Variants in CLEC9A observed in about 807,000 individuals in gnomAD.
CLEC9A encodes C-type lectin domain containing 9A, also known as C-type lectin domain family 9 member A.
CLEC9A carries 24 observed loss-of-function variants against 30.0 expected under a neutral mutation model. The ratio of observed to expected loss-of-function variants is 0.80; its 90% CI spans 0.58 to 1.13. The LOEUF is 1.13. Ranked by LOEUF, CLEC9A falls within the 50% of genes most tolerant of loss-of-function variation. The pLI is 0.00. For missense variants in CLEC9A, 251 were observed against 280.9 expected (o/e 0.89, Z 0.76); for synonymous variants, 111 against 96.8 (o/e 1.15, Z -0.86).
At chr12:10,033,277 GT>G (rs981074375) in intron 1 of CLEC9A, among the ~76,000 whole-genome samples, 13 of 146,074 alleles carry the variant, frequency 8.9e-5, no homozygotes, top group African/African-American at 1.0e-4. Context: ...TGGTCCTCTT[GT>G]TTTTTTTTTA....
intron 2 of CLEC9A, among the ~76,000 whole-genome samples, chr12:10,043,003 G>T (rs1309321334): frequency 6.6e-6 from 1 of 152,126 alleles, no homozygotes; most frequent in Non-Finnish European, 1.5e-5. Flanking sequence ...CAGCTATTTT[G>T]TGTACAATTT....
chr12:10,063,417 C>T (rs917288302), intron 7 of CLEC9A, among the ~76,000 whole-genome samples: 1 of 151,918 alleles, frequency 6.6e-6, no homozygotes, highest in African/African-American at 2.4e-5. Context: ...TTTCTGAAAT[C>T]GAGAAGAATA....
At chr12:10,048,326 C>T (rs1425963150) in intron 2 of CLEC9A, among the ~76,000 whole-genome samples, 2 of 146,254 alleles carry the variant, frequency 1.4e-5, no homozygotes, top group Non-Finnish European at 3.0e-5. Context: ...GAGCCGAGAT[C>T]GCGACACTAC....
chr12:10,053,825 A>G (rs1255260723), intron 4 of CLEC9A, among the ~76,000 whole-genome samples: 4 of 152,150 alleles, frequency 2.6e-5, no homozygotes, highest in Non-Finnish European at 4.4e-5. Context: ...ATTTAAAAGT[A>G]TATATTTAAA....
At chr12:10,056,955 A>G (rs1865949132) in intron 5 of CLEC9A, among the ~76,000 whole-genome samples, 4 of 152,162 alleles carry the variant, frequency 2.6e-5, no homozygotes. Context: ...GTACAGGCGT[A>G]AAGTATATTT....
At chr12:10,054,756 A>G (rs1400649647) in intron 5 of CLEC9A, among the ~76,000 whole-genome samples, 1 of 152,234 alleles carries the variant, frequency 6.6e-6, no homozygotes, top group African/African-American at 2.4e-5. Flanking sequence ...AAAATGTTTA[A>G]TGCAAACCTG....
At chr12:10,037,750 C>T (rs1865755793) in intron 1 of CLEC9A, among the ~76,000 whole-genome samples, 2 of 152,266 alleles carry the variant, frequency 1.3e-5, no homozygotes, top group South Asian at 4.1e-4. Flanking sequence ...ACTCAAGAAC[C>T]TGCTTTAACT....
chr12:10,050,368 C>T (rs1048442824), intron 2 of CLEC9A, among the ~76,000 whole-genome samples: 10 of 152,066 alleles, frequency 6.6e-5, no homozygotes, highest in Admixed American at 2.0e-4. Flanking sequence ...ACAGAGTTGC[C>T]GCAAATCTTC....
chr12:10,056,068 A>AC (rs1187087469), intron 5 of CLEC9A, among the ~76,000 whole-genome samples: 3 of 150,076 alleles, frequency 2.0e-5, no homozygotes, highest in African/African-American at 4.9e-5. Context: ...CAAAAAAAAA[A>AC]AAAAAAAAAA....
At chr12:10,051,034 G>C (rs1302278619) in intron 2 of CLEC9A, among the ~76,000 whole-genome samples, 1 of 151,888 alleles carries the variant, frequency 6.6e-6, no homozygotes, top group Non-Finnish European at 1.5e-5. Flanking sequence ...GTGAAACCCT[G>C]TCTCTACTAA....
At chr12:10,046,115 T>G (rs1047904525) in intron 2 of CLEC9A, among the ~76,000 whole-genome samples, 1 of 152,214 alleles carries the variant, frequency 6.6e-6, no homozygotes, top group Non-Finnish European at 1.5e-5. Flanking sequence ...ACAAGTCACA[T>G]AGATTTTTTA....
chr12:10,037,706 G>A (rs967257519), intron 1 of CLEC9A, among the ~76,000 whole-genome samples: 16 of 152,018 alleles, frequency 1.1e-4, no homozygotes, highest in South Asian at 2.1e-4. Context: ...TCTCAACATC[G>A]TTATAACAAA....
At chr12:10,049,032 T>G (rs927010200) in intron 2 of CLEC9A, among the ~76,000 whole-genome samples, 1 of 152,220 alleles carries the variant, frequency 6.6e-6, no homozygotes, top group African/African-American at 2.4e-5. Context: ...GATCCATTGG[T>G]TGCAGAAATG....
intron 2 of CLEC9A, among the ~76,000 whole-genome samples, chr12:10,051,220 T>A (rs1403346570): frequency 2.8e-4 from 42 of 149,644 alleles, no homozygotes; most frequent in Middle Eastern, 6.9e-3. Context: ...AAAAAAAAAA[T>A]GAATAAATAA....
At chr12:10,049,575 T>C (rs1419232117) in intron 2 of CLEC9A, among the ~76,000 whole-genome samples, 1 of 152,228 alleles carries the variant, frequency 6.6e-6, no homozygotes, top group Non-Finnish European at 1.5e-5. Flanking sequence ...CGCTTCATCT[T>C]TCGTTTTTTT....
At chr12:10,037,844 T>G (rs1865756677) in intron 1 of CLEC9A, among the ~76,000 whole-genome samples, 1 of 152,064 alleles carries the variant, frequency 6.6e-6, no homozygotes, top group Admixed American at 6.5e-5. Flanking sequence ...GGTAACTCTA[T>G]GTGTGTTGGA....
Position 10,065,665 on chromosome 12 carries a change from G to C in CLEC9A, c.*33G>C. The C allele has an allele frequency of 6.2e-7, 1 of 1,606,600 alleles. No homozygotes were observed. Among genetic ancestry groups the C allele is most frequent in the Non-Finnish European group, 8.5e-7 (1 of 1,175,280 alleles). On this transcript the variant is annotated 3_prime_UTR_variant, in exon 9 of 9. Coordinates refer to ENST00000355819, the MANE Select transcript of CLEC9A (RefSeq NM_207345.4). ...TGTGTTCAAAGTGTTCTATTACACT[G>C]TTATTTGGAGCATGCCATTGGAAAA... is the stretch of plus-strand genomic sequence containing the variant.
chr12:10,041,491 T>C lies in CLEC9A; in HGVS notation c.-292T>C, dbSNP rs932740971. 36 of 455,144 alleles carry C rather than the reference T, an allele frequency of 7.9e-5. 1 individual carries two copies. Among genetic ancestry groups the C allele is most frequent in the Non-Finnish European group, 1.2e-4 (28 of 232,544 alleles). 28.2% of individuals were successfully genotyped at this position (455,144 alleles called of 1,614,324 possible). On this transcript the variant is annotated 5_prime_UTR_variant, in exon 2 of 9. It removes an upstream start codon present in the reference 5' UTR. Coordinates refer to ENST00000355819, the MANE Select transcript of CLEC9A (RefSeq NM_207345.4). ...GTGACTATAAACGCAGCCCCTGTGA[T>C]GCCAACTGGACATATTATGGAGATA...
At chr12:10,054,234 C>T (rs748142787) in intron 4 of CLEC9A, 37 bp from the exon 5 acceptor site, 4 of 1,526,358 alleles carry the variant, frequency 2.6e-6, no homozygotes, top group Admixed American at 1.7e-5. Flanking sequence ...TATCTGCTTT[C>T]TCTAACTCGG....
Sources: allele counts gnomAD v4.1 joint callset (sites outside exome capture counted in the v4.1 genomes callset), GRCh38; gene constraint gnomAD v4.1.1; transcripts MANE v1.5; gene names NCBI Gene and HGNC (gene_info 2026-07-23, HGNC 2026-07-21).